The following ACTR6 variants were observed in gnomAD, a reference collection of about 807,000 sequenced individuals.
The protein encoded by ACTR6 is actin-related protein 6.
In ACTR6, 50 loss-of-function variants were observed where a neutral mutation model predicts 52.5. The ratio of observed to expected loss-of-function variants is 0.95; its 90% confidence interval spans 0.76 to 1.20. The LOEUF (loss-of-function observed/expected upper bound fraction) is 1.20. ACTR6 is among the 50% of genes most tolerant of loss of function. The pLI is 0.00. For synonymous variants in ACTR6, 135 were observed against 147.2 expected (o/e 0.92, Z 0.60); for missense variants, 344 against 472.4 (o/e 0.73, Z 2.52).
At chr12:100,203,478 AT>A (rs1353962738) in intron 1 of ACTR6, among the ~76,000 whole-genome samples, 24 of 151,254 alleles carry the variant, frequency 1.6e-4, no homozygotes, top group Admixed American at 5.3e-4. Flanking sequence ...TAATTTTTAT[AT>A]TTTTTAGTAG....
intron 2 of ACTR6, chr12:100,205,365 G>C: frequency 3.5e-6 from 1 of 285,050 alleles, no homozygotes; most frequent in Non-Finnish European, 6.3e-6. Flanking sequence ...GCTTATTTGT[G>C]AGTTTGTTTT....
At chr12:100,215,973 T>C (rs1169346280) in intron 8 of ACTR6, among the ~76,000 whole-genome samples, 2 of 152,318 alleles carry the variant, frequency 1.3e-5, no homozygotes, top group South Asian at 2.1e-4. Context: ...AATAGGCCTG[T>C]AATATCATTA....
chr12:100,210,031 A>T (rs1265042619), intron 4 of ACTR6, 42 bp from the exon 5 acceptor site: 1 of 1,524,498 alleles, frequency 6.6e-7, no homozygotes, highest in Non-Finnish European at 8.8e-7. Context: ...GCTTTAAATT[A>T]GTGTTATATT....
At chr12:100,208,086 G>C in intron 4 of ACTR6, 1 of 270,384 alleles carries the variant, frequency 3.7e-6, no homozygotes, top group South Asian at 3.8e-5. Context: ...GTTTGAGCCT[G>C]GGAGGTTGAA....
At chr12:100,222,871 G>A (rs1417186131) in intron 10 of ACTR6, among the ~76,000 whole-genome samples, 3 of 152,112 alleles carry the variant, frequency 2.0e-5, no homozygotes, top group African/African-American at 7.2e-5. Context: ...TATTGTCTGT[G>A]TCTTCCCACA....
chr12:100,214,906 A>G (rs1592843854), intron 8 of ACTR6, among the ~76,000 whole-genome samples: 1 of 152,168 alleles, frequency 6.6e-6, no homozygotes, highest in East Asian at 1.9e-4. Context: ...CGGAAGGTGT[A>G]TTTTTTTTCT....
chr12:100,205,257 A>T (rs1477137161), intron 2 of ACTR6, 200 bp downstream of exon 2: 1 of 458,568 alleles, frequency 2.2e-6, no homozygotes, highest in Non-Finnish European at 3.8e-6. Context: ...ACTTACATTA[A>T]ATCTAAGTGG....
In ACTR6 at chr12:100,213,147, A is replaced by G. The variant is rs546623655; in HGVS notation, c.750+619A>G. Among the ~76,000 whole-genome samples the G allele has an allele frequency of 3.5e-4, 53 of 151,884 alleles. 1 individual carries two copies. In the East Asian group the frequency reaches 9.9e-3, roughly 28 times the overall value. Reference sequence around the variant, plus strand: ...ACTCTGTCATCCAGGCTAGAGTGCAATGGTGCGATCACAGCACTCACTATA... The same window carrying G: ...ACTCTGTCATCCAGGCTAGAGTGCAGTGGTGCGATCACAGCACTCACTATA... On this transcript the variant is annotated intron_variant, in intron 8 of 10. Coordinates refer to ENST00000188312, the MANE Select transcript of ACTR6 (RefSeq NM_022496.5).
chr12:100,215,792 T>C (rs895172804), intron 8 of ACTR6, among the ~76,000 whole-genome samples: 4 of 152,224 alleles, frequency 2.6e-5, no homozygotes, highest in Non-Finnish European at 4.4e-5. Context: ...TGGAATTTTT[T>C]ATATTGTTTT....
At chr12:100,219,176 A>G (rs1020785515) in intron 9 of ACTR6, among the ~76,000 whole-genome samples, 14 of 151,472 alleles carry the variant, frequency 9.2e-5, no homozygotes, top group East Asian at 7.7e-4. Flanking sequence ...AAAAAAAAAA[A>G]AAAGAAAAAC....
intron 3 of ACTR6, among the ~76,000 whole-genome samples, chr12:100,206,609 G>A (rs1040119721): frequency 9.9e-5 from 15 of 151,870 alleles, no homozygotes; most frequent in Admixed American, 5.2e-4. Context: ...CCGCCCAAGC[G>A]TGAGCTACCG....
chr12:100,220,246 G>A (rs952269290), intron 10 of ACTR6, 100 bp downstream of exon 10: 8 of 1,190,842 alleles, frequency 6.7e-6, no homozygotes, highest in Non-Finnish European at 9.5e-6. Flanking sequence ...ACGGTGGCAG[G>A]TTCATTTCAC....
chr12:100,204,653 C>T (rs1332592697), intron 1 of ACTR6, among the ~76,000 whole-genome samples: 1 of 152,182 alleles, frequency 6.6e-6, no homozygotes, highest in Non-Finnish European at 1.5e-5. Flanking sequence ...GCGTGAGCCA[C>T]CATGCCCAGC....
intron 1 of ACTR6, among the ~76,000 whole-genome samples, chr12:100,201,667 G>A (rs1212130634): frequency 6.6e-6 from 1 of 152,150 alleles, no homozygotes; most frequent in Non-Finnish European, 1.5e-5. Context: ...CATTATCATT[G>A]TCACCGAGGC....
rs1592832431 is a variant in ACTR6, at chr12:100,204,781, C to G, written c.69-159C>G. ...TGCTGGGATTATAGGCATGAGCCCC[C>G]ACTCCCAGCCTTTGGTATTATTTTA... On this transcript the variant is annotated intron_variant, in intron 1 of 10. Transcript: ENST00000188312. Among the ~76,000 whole-genome samples the G allele has an allele frequency of 2.0e-5, 3 of 152,346 alleles. No homozygotes were observed. In the South Asian group the frequency reaches 6.2e-4, roughly 32 times the overall value.
rs779146222 is a variant in ACTR6, at chr12:100,207,704, C to T, written c.297C>T (p.Tyr99=). The T allele has an allele frequency of 3.8e-6, 6 of 1,583,768 alleles. No homozygotes were observed. The highest frequency in any genetic ancestry group is 5.2e-6 in the Non-Finnish European group (6 of 1,156,846). ...LDTNIIITEP[Y]FNFTSIQESM... is the part of the protein sequence containing the mutation. ...CTAATATTATTATCACTGAACCATACTTTAACTTCACTTCAATTCAAGAAT... is the reference window on the plus strand; with the variant it reads ...CTAATATTATTATCACTGAACCATATTTTAACTTCACTTCAATTCAAGAAT... Residue 99 remains tyrosine (Y), a synonymous_variant, in exon 4 of 11, where the codon TAC becomes TAT. Coordinates refer to ENST00000188312, the MANE Select transcript of ACTR6 (RefSeq NM_022496.5).
intron 10 of ACTR6, among the ~76,000 whole-genome samples, chr12:100,222,383 T>A (rs1307124051): frequency 6.7e-6 from 1 of 149,822 alleles, no homozygotes; most frequent in East Asian, 2.0e-4. Flanking sequence ...CAGCCTTCCA[T>A]GTAGCTGGGA....
rs929472071 is a variant in ACTR6 at position 100,213,542 on chromosome 12, A to G, written c.750+1014A>G. 2.0e-5 allele frequency among the ~76,000 whole-genome samples: 3 copies of G among 152,250 alleles called. 1 individual carries two copies. Among genetic ancestry groups the G allele is most frequent in the African/African-American group, 4.8e-5 (2 of 41,472 alleles). On this transcript the variant is annotated intron_variant, in intron 8 of 10. Transcript: ENST00000188312. ...GGCAAATCTGGAGATAAACAGTATC[A>G]TTATGTATATTATGGCTAACCCATT...
At chr12:100,206,686 T>C (rs1017814656) in intron 3 of ACTR6, among the ~76,000 whole-genome samples, 1 of 151,524 alleles carries the variant, frequency 6.6e-6, no homozygotes, top group African/African-American at 2.4e-5. Flanking sequence ...TTTTTTTTTT[T>C]TAGGGGGAGT....
Sources: gnomAD v4.1 joint callset for allele counts (sites outside exome capture counted in the v4.1 genomes callset) on GRCh38, gnomAD v4.1.1 for gene constraint, MANE v1.5 for transcripts, NCBI Gene and HGNC (gene_info 2026-07-23, HGNC 2026-07-21) for gene names.